DLGAP1: variants seen among roughly 807,000 people sequenced by gnomAD.
The protein encoded by DLGAP1 is disks large-associated protein 1.
DLGAP1 carries 11 observed loss-of-function variants against 90.8 expected under a neutral mutation model. The ratio of observed to expected loss-of-function variants is 0.12; its 90% CI spans 0.08 to 0.20. The LOEUF is 0.20. Among genes scored for constraint, DLGAP1 ranks in the 10% least tolerant of loss-of-function variants. The pLI, the probability that DLGAP1 is intolerant of heterozygous loss-of-function variation, is 1.00. For synonymous variants in DLGAP1, 558 were observed against 540.7 expected, an observed-to-expected ratio of 1.03 and a Z score of -0.44; for missense variants, 1,050 against 1,333.8, an observed-to-expected ratio of 0.79 and a Z score of 3.31.
chr18:3,893,451 T>A (rs2071530748), intron 3 of DLGAP1, among the ~76,000 whole-genome samples: 1 of 151,842 alleles, frequency 6.6e-6, no homozygotes, highest in Non-Finnish European at 1.5e-5. Context: ...TGGTGATGGG[T>A]GCTTGTAATT....
Position 3,742,716 on chromosome 18 carries a change from G to A in DLGAP1, c.1173-204C>T, listed in dbSNP as rs1363712021. Reference sequence around the variant, plus strand: ...ATCATCAAGATCTGATGACATTCGAGAGCAATTAACATTCTCTTCAACCAT... The same window carrying A: ...ATCATCAAGATCTGATGACATTCGAAAGCAATTAACATTCTCTTCAACCAT... On this transcript the variant is annotated intron_variant, in intron 5 of 12. Coordinates refer to ENST00000315677, the MANE Select transcript of DLGAP1 (RefSeq NM_004746.4). 2.0e-5 allele frequency among the ~76,000 whole-genome samples: 3 copies of A among 152,276 alleles called. No individual in the cohort carries two copies. The East Asian group carries it at 5.8e-4, about 29-fold the overall frequency.
chr18:4,287,344 C>A (rs2079724698), intron 1 of DLGAP1, among the ~76,000 whole-genome samples: 1 of 152,120 alleles, frequency 6.6e-6, no homozygotes, highest in Non-Finnish European at 1.5e-5. Flanking sequence ...ACCCAGCAAT[C>A]CCATTACTGA....
At chr18:3,754,723 CAA>C (rs1161245616) in intron 5 of DLGAP1, among the ~76,000 whole-genome samples, 1,833 of 58,754 alleles carry the variant, frequency 0.031, 45 homozygotes, top group African/African-American at 0.09. Flanking sequence ...TACTAAAATA[CAA>C]AAAAAAAAAA....
intron 7 of DLGAP1, among the ~76,000 whole-genome samples, chr18:3,617,976 G>A (rs2057939420): frequency 6.6e-6 from 1 of 152,214 alleles, no homozygotes; most frequent in Non-Finnish European, 1.5e-5. Context: ...GGCGGAGGTT[G>A]CTGTGAGCCA....
intron 7 of DLGAP1, among the ~76,000 whole-genome samples, chr18:3,634,411 CTTTG>C (rs2058627919): frequency 6.6e-6 from 1 of 152,084 alleles, no homozygotes; most frequent in South Asian, 2.1e-4. Flanking sequence ...CCCTTTCCTT[CTTTG>C]TTTACCTAAA....
chr18:3,629,733 C>T (rs564848374), intron 7 of DLGAP1, among the ~76,000 whole-genome samples: 2 of 151,862 alleles, frequency 1.3e-5, no homozygotes, highest in South Asian at 4.2e-4. Context: ...TTTTTGCTAA[C>T]CTGGTAGGTG....
At chr18:3,801,620 A>T (rs952400913) in intron 5 of DLGAP1, among the ~76,000 whole-genome samples, 1 of 152,170 alleles carries the variant, frequency 6.6e-6, no homozygotes, top group African/African-American at 2.4e-5. Flanking sequence ...TCTTATAGGT[A>T]CTATTAGTTA....
intron 2 of DLGAP1, among the ~76,000 whole-genome samples, chr18:4,051,246 C>T (rs1383363357): frequency 6.6e-6 from 1 of 152,126 alleles, no homozygotes; most frequent in Non-Finnish European, 1.5e-5. Flanking sequence ...GGCTCTGTGT[C>T]CCCACCTGTA....
chr18:3,962,512 C>A (rs2148986755), intron 3 of DLGAP1: 1 of 152,288 alleles, frequency 6.6e-6, no homozygotes, highest in Non-Finnish European at 1.5e-5. Context: ...ATATTCTGAA[C>A]ATTTACCAAG....
At chr18:4,177,185 T>C (rs948712796) in intron 1 of DLGAP1, among the ~76,000 whole-genome samples, 2 of 152,194 alleles carry the variant, frequency 1.3e-5, no homozygotes, top group Non-Finnish European at 2.9e-5. Flanking sequence ...TAGTGACTGT[T>C]TGATTCTTCA....
At chr18:3,588,705 G>C (rs367548299) in intron 7 of DLGAP1, among the ~76,000 whole-genome samples, 8 of 150,842 alleles carry the variant, frequency 5.3e-5, no homozygotes, top group Admixed American at 2.6e-4. Flanking sequence ...GCTTGAGCCC[G>C]GGAGGCGGAG....
chr18:3,571,664 A>T (rs563852369), intron 8 of DLGAP1, among the ~76,000 whole-genome samples: 1 of 151,380 alleles, frequency 6.6e-6, no homozygotes, highest in Admixed American at 6.6e-5. Flanking sequence ...AATAGCTGTG[A>T]CTGCAGGCGC....
intron 2 of DLGAP1, among the ~76,000 whole-genome samples, chr18:4,090,275 C>T (rs1403247570): frequency 6.6e-6 from 1 of 152,062 alleles, no homozygotes; most frequent in East Asian, 1.9e-4. Context: ...AGAGCTTTGG[C>T]ACAACAAAAG....
chr18:4,274,209 C>T lies in DLGAP1; in HGVS notation c.-266-122922G>A, dbSNP rs1179579297. 2.0e-5 allele frequency among the ~76,000 whole-genome samples: 3 copies of T among 151,870 alleles called. No homozygotes were observed. The East Asian group carries it at 5.8e-4, about 29-fold the overall frequency. On this transcript the variant is annotated intron_variant, in intron 1 of 12. Transcript: ENST00000315677. ...CATTCCATAAGTCTTACTATGCTTCCTTCATTTTCAGTCATCTCAAAGTGT... is the reference window on the plus strand; with the variant it reads ...CATTCCATAAGTCTTACTATGCTTCTTTCATTTTCAGTCATCTCAAAGTGT...
At chr18:4,031,264 A>C (rs992983113) in intron 2 of DLGAP1, among the ~76,000 whole-genome samples, 1 of 152,238 alleles carries the variant, frequency 6.6e-6, no homozygotes, top group Non-Finnish European at 1.5e-5. Context: ...GGTTTGAAAA[A>C]AAAAGGAAGG....
intron 9 of DLGAP1, among the ~76,000 whole-genome samples, chr18:3,551,881 G>T (rs2053497515): frequency 6.7e-6 from 1 of 150,058 alleles, no homozygotes; most frequent in South Asian, 2.1e-4. Flanking sequence ...TAGGCTCAAG[G>T]GATCCTCCCA....
At chr18:3,528,754 G>A (rs544594576) in intron 10 of DLGAP1, among the ~76,000 whole-genome samples, 2 of 152,280 alleles carry the variant, frequency 1.3e-5, no homozygotes, top group South Asian at 2.1e-4. Context: ...TGGATTGGCC[G>A]CATTTGAAAT....
chr18:3,571,957 C>A (rs1470723626), intron 8 of DLGAP1, among the ~76,000 whole-genome samples: 3 of 151,640 alleles, frequency 2.0e-5, no homozygotes, highest in South Asian at 2.1e-4. Context: ...TATTTTTGTA[C>A]CTTTATATTT....
chr18:3,543,166 A>ATTTTTTTTTTTTTTTTTTTT (rs76751283), intron 9 of DLGAP1, among the ~76,000 whole-genome samples: 5 of 64,122 alleles, frequency 7.8e-5, no homozygotes, highest in Admixed American at 1.9e-4. Flanking sequence ...CATGACTCCA[A>ATTTTTTTTTTTTTTTTTTTT]TTTTTTTTTT....
Sources: allele counts gnomAD v4.1 joint callset (sites outside exome capture counted in the v4.1 genomes callset), GRCh38; gene constraint gnomAD v4.1.1; transcripts MANE v1.5; gene names NCBI Gene and HGNC (gene_info 2026-07-23, HGNC 2026-07-21).